Variants in LRRC72 observed in about 807,000 individuals in gnomAD.
LRRC72 encodes the protein leucine rich repeat containing 72.
In LRRC72, 41 loss-of-function variants were observed where a neutral mutation model predicts 35.8. That is an observed-to-expected ratio of 1.15 (90% CI 0.89 to 1.49). The LOEUF (loss-of-function observed/expected upper bound fraction) is 1.49. Among genes scored for constraint, LRRC72 ranks in the 40% most tolerant of loss-of-function variants. The pLI is 0.00. For synonymous variants in LRRC72, 118 were observed against 119.2 expected (o/e 0.99, Z 0.07); for missense variants, 389 against 330.7 (o/e 1.18, Z -1.37).
chr7:16,528,201 A>G (rs1004486942), intron 1 of LRRC72, among the ~76,000 whole-genome samples: 2 of 151,980 alleles, frequency 1.3e-5, no homozygotes, highest in African/African-American at 2.4e-5. Context: ...TCACTTGACA[A>G]TCATCCTCCT....
At chr7:16,528,188 A>C (rs888416354) in intron 1 of LRRC72, among the ~76,000 whole-genome samples, 1 of 151,798 alleles carries the variant, frequency 6.6e-6, no homozygotes, top group African/African-American at 2.4e-5. Flanking sequence ...TTCTTCTTCT[A>C]CCTCACTTGA....
At chr7:16,566,014 A>G (rs951255764) in intron 5 of LRRC72, among the ~76,000 whole-genome samples, 2 of 152,200 alleles carry the variant, frequency 1.3e-5, no homozygotes, top group Non-Finnish European at 2.9e-5. Flanking sequence ...ATTTATGGAC[A>G]TGTTAAAAAT....
At chr7:16,575,141 A>C (rs1185736301) in intron 7 of LRRC72, among the ~76,000 whole-genome samples, 2 of 92,958 alleles carry the variant, frequency 2.2e-5, no homozygotes, top group Non-Finnish European at 4.3e-5. Flanking sequence ...GGAGGGAGGG[A>C]GGGAGGGAGG....
At chr7:16,579,668 C>T (rs900463336) in intron 7 of LRRC72, among the ~76,000 whole-genome samples, 2 of 152,086 alleles carry the variant, frequency 1.3e-5, no homozygotes, top group African/African-American at 2.4e-5. Flanking sequence ...CTAAATATTT[C>T]CCCTCATTTG....
chr7:16,527,383 A>G (rs76637360), intron 1 of LRRC72, among the ~76,000 whole-genome samples: 86 of 152,170 alleles, frequency 5.7e-4, no homozygotes, highest in African/African-American at 1.9e-3. Flanking sequence ...TGCTGCGTAT[A>G]TAATTATAGT....
At chr7:16,547,107 T>C (rs934248187) in intron 3 of LRRC72, among the ~76,000 whole-genome samples, 4 of 152,132 alleles carry the variant, frequency 2.6e-5, no homozygotes, top group Non-Finnish European at 5.9e-5. Context: ...GCCTCCACTG[T>C]GGCCTTAACC....
At chr7:16,560,396 T>C (rs927548136) in intron 5 of LRRC72, among the ~76,000 whole-genome samples, 2 of 152,236 alleles carry the variant, frequency 1.3e-5, no homozygotes, top group African/African-American at 4.8e-5. Flanking sequence ...AGTTAGATTC[T>C]TTAAACCCAA....
intron 3 of LRRC72, among the ~76,000 whole-genome samples, chr7:16,547,312 G>A (rs1451810730): frequency 1.3e-5 from 2 of 152,152 alleles, no homozygotes; most frequent in African/African-American, 2.4e-5. Context: ...GCACGGAGTG[G>A]GGGGCAGAGA....
chr7:16,564,132 ATTTTC>A (rs1782787548), intron 5 of LRRC72, among the ~76,000 whole-genome samples: 2 of 152,170 alleles, frequency 1.3e-5, no homozygotes, highest in Non-Finnish European at 2.9e-5. Context: ...ATGTTGGTAT[ATTTTC>A]CATTAACGTC....
intron 5 of LRRC72, among the ~76,000 whole-genome samples, chr7:16,565,652 C>T (rs549616793): frequency 6.6e-6 from 1 of 152,226 alleles, no homozygotes; most frequent in South Asian, 2.1e-4. Flanking sequence ...TCCACATGCC[C>T]CCTTCTTCCA....
chr7:16,537,859 T>A (rs1422427138), intron 3 of LRRC72, among the ~76,000 whole-genome samples, 163 bp downstream of exon 3: 8 of 152,128 alleles, frequency 5.3e-5, no homozygotes, highest in African/African-American at 1.9e-4. Context: ...ATATATATAT[T>A]TGGTATACAT....
intron 5 of LRRC72, among the ~76,000 whole-genome samples, chr7:16,562,594 C>T (rs960073114): frequency 6.6e-6 from 1 of 152,176 alleles, no homozygotes; most frequent in Non-Finnish European, 1.5e-5. Context: ...CTCCATGTTT[C>T]CACAGGTATT....
chr7:16,567,566 A>AG (rs1281188096), intron 7 of LRRC72, 23 bp downstream of exon 7: 3 of 1,418,328 alleles, frequency 2.1e-6, no homozygotes, highest in Non-Finnish European at 2.8e-6. Context: ...AAAAAAAAAA[A>AG]AAACAAATTT....
At chr7:16,551,470 A>C (rs1782547032) in intron 3 of LRRC72, among the ~76,000 whole-genome samples, 1 of 152,174 alleles carries the variant, frequency 6.6e-6, no homozygotes, top group African/African-American at 2.4e-5. Flanking sequence ...CATCAAAAAC[A>C]CTAAGGCAAA....
rs895023465 is a variant in LRRC72 at position 16,571,567 on chromosome 7, C to T, written c.670+4024C>T. Among the ~76,000 whole-genome samples, 18 of 152,268 alleles carry T rather than the reference C, an allele frequency of 1.2e-4. No homozygotes were observed. The East Asian group carries it at 3.5e-3, about 29-fold the overall frequency. On this transcript the variant is annotated intron_variant, in intron 7 of 8. Transcript: ENST00000401542. ...GGACAGCCAAAGCAGAATGGGGTGT[C>T]GCCTCACCCGGGAAGTGCAAAGGGT...
At chr7:16,558,225 GA>G (rs1012635990) in intron 4 of LRRC72, among the ~76,000 whole-genome samples, 245 of 151,674 alleles carry the variant, frequency 1.6e-3, no homozygotes, top group African/African-American at 5.7e-3. Flanking sequence ...CATTGACAAG[GA>G]AAAAAAACCC....
In LRRC72 at chr7:16,533,638, T is replaced by A. The variant is rs537706446; in HGVS notation, c.164+1070T>A. ...ACTTATTTCTAGTGATTTGGGGAAATCCTTTATTATTAAACATATTTATTT... is the reference window on the plus strand; with the variant it reads ...ACTTATTTCTAGTGATTTGGGGAAAACCTTTATTATTAAACATATTTATTT... On this transcript the variant is annotated intron_variant, in intron 2 of 8. Coordinates refer to ENST00000401542, the MANE Select transcript of LRRC72 (RefSeq NM_001195280.2). Among the ~76,000 whole-genome samples the A allele has an allele frequency of 3.3e-5, 5 of 152,182 alleles. No individual in the cohort carries two copies. The East Asian group carries it at 9.6e-4, about 29-fold the overall frequency.
intron 1 of LRRC72, among the ~76,000 whole-genome samples, chr7:16,528,004 T>A (rs966663195): frequency 3.3e-5 from 5 of 152,152 alleles, no homozygotes; most frequent in Non-Finnish European, 7.3e-5. Context: ...CTTTTTATTC[T>A]CCTTTTAGGT....
At chr7:16,532,692 T>A (rs28558187) in intron 2 of LRRC72, 124 bp downstream of exon 2, 55,125 of 768,806 alleles carry the variant, frequency 0.072, 2,387 homozygotes, top group African/African-American at 0.13. Flanking sequence ...ACTCCAATTA[T>A]TTTACCACTT....
Sources: gnomAD v4.1 joint callset for allele counts (sites outside exome capture counted in the v4.1 genomes callset) on GRCh38, gnomAD v4.1.1 for gene constraint, MANE v1.5 for transcripts, NCBI Gene and HGNC (gene_info 2026-07-23, HGNC 2026-07-21) for gene names.